DERPC: variants seen among roughly 807,000 people sequenced by gnomAD.
DERPC encodes decreased expression in renal and prostate cancer protein.
Under a neutral mutation model 7.2 loss-of-function variants are expected in DERPC, and 1 was observed. That is an observed-to-expected ratio of 0.14 (90% CI 0.05 to 0.66). The LOEUF is 0.66. Among genes scored for constraint, DERPC ranks in the 30% least tolerant of loss-of-function variants. The pLI is 0.84. For missense variants in DERPC, 502 were observed against 299.4 expected (o/e 1.68, Z -4.99); for synonymous variants, 185 against 117.6 (o/e 1.57, Z -3.71).
At chr16:69,126,499 C>T (rs1389057333) in intron 1 of DERPC, among the ~76,000 whole-genome samples, 1 of 152,228 alleles carries the variant, frequency 6.6e-6, no homozygotes, top group Non-Finnish European at 1.5e-5. Flanking sequence ...AGACATCTAG[C>T]AATGCTCCTG....
At position 69,118,667 on chromosome 16, in the gene DERPC, C is replaced by T. The variant is rs1961360330; in HGVS notation, c.*187G>A. ...AGGATTATTCCCACCTGCCACAGTT[C>T]ACATGCCACAAATAACATCTCACCT... On this transcript the variant is annotated 3_prime_UTR_variant, in exon 3 of 3. Coordinates refer to ENST00000519520, the MANE Select transcript of DERPC (RefSeq NM_001002847.4). The T allele has an allele frequency of 1.5e-6, 1 of 684,036 alleles. No homozygotes were observed. Among genetic ancestry groups the T allele is most frequent in the African/African-American group, 1.8e-5 (1 of 56,292 alleles). The allele number at this position is 684,036 out of a possible 1,614,324, so 42.4% of individuals were successfully genotyped here. A position where few individuals can be genotyped will look rare whatever the true frequency, so the allele number is the denominator to read the frequency against.
Position 69,118,664 on chromosome 16 carries a change from G to A in DERPC, c.*190C>T. 1 of 685,938 alleles carries A rather than the reference G, an allele frequency of 1.5e-6. No homozygotes were observed. Among genetic ancestry groups the A allele is most frequent in the South Asian group, 1.5e-5 (1 of 65,512 alleles). 42.5% of individuals were successfully genotyped at this position (685,938 alleles called of 1,614,324 possible). A position where few individuals can be genotyped will look rare whatever the true frequency, so the allele number is the denominator to read the frequency against. On this transcript the variant is annotated 3_prime_UTR_variant, in exon 3 of 3. Transcript: ENST00000519520. ...GGCAGGATTATTCCCACCTGCCACA[G>A]TTCACATGCCACAAATAACATCTCA...
intron 1 of DERPC, among the ~76,000 whole-genome samples, chr16:69,125,331 T>C (rs937968530): frequency 6.6e-6 from 1 of 152,198 alleles, no homozygotes; most frequent in Non-Finnish European, 1.5e-5. Flanking sequence ...GTCTATGATA[T>C]AGGTATTTAT....
In DERPC at chr16:69,118,368, G is replaced by C. The variant is rs1180734484; in HGVS notation, c.*486C>G. ...TCTGTGTTCAAGCCCCCAGGGAAAG[G>C]TATGGCAGTAGAGGATGACCAGGTC... On this transcript the variant is annotated 3_prime_UTR_variant, in exon 3 of 3. Transcript: ENST00000519520. 1 of 1,607,744 alleles carries C rather than the reference G, an allele frequency of 6.2e-7. No individual in the cohort carries two copies. Among genetic ancestry groups the C allele is most frequent in the East Asian group, 2.2e-5 (1 of 44,864 alleles).
chr16:69,122,698 T>C (rs1961768621), intron 1 of DERPC, among the ~76,000 whole-genome samples: 1 of 152,046 alleles, frequency 6.6e-6, no homozygotes, highest in African/African-American at 2.4e-5. Flanking sequence ...ACAACCACCA[T>C]GCCTGGCTAA....
intron 1 of DERPC, among the ~76,000 whole-genome samples, chr16:69,128,318 G>A (rs1962236271): frequency 6.6e-6 from 1 of 152,204 alleles, no homozygotes; most frequent in Admixed American, 6.5e-5. Context: ...CAGAGCCAGG[G>A]AGAGACTTCT....
chr16:69,118,377 T>C lies in DERPC; in HGVS notation c.*477A>G, dbSNP rs1204151570. On this transcript the variant is annotated 3_prime_UTR_variant, in exon 3 of 3. Coordinates refer to ENST00000519520, the MANE Select transcript of DERPC (RefSeq NM_001002847.4). ...AAGCCCCCAGGGAAAGGTATGGCAG[T>C]AGAGGATGACCAGGTCCAAGCTGCC... The C allele has an allele frequency of 1.2e-6, 2 of 1,610,914 alleles. No homozygotes were observed. The highest frequency in any genetic ancestry group is 1.7e-6 in the Non-Finnish European group (2 of 1,177,198).
rs1961429531 is a variant in DERPC, at chr16:69,119,299, G to A, written c.1130C>T (p.Thr377Ile). Residue 377 changes from threonine (T) to isoleucine (I), a missense_variant, in exon 3 of 3, where the codon ACA becomes ATA. Thr to Ile is a moderately conservative substitution (Grantham distance 89). Transcript: ENST00000519520. ...GSSAFSQSSG[T>I]LASNPATFQR... ...GAAGGTAGCTGGGTTTGATGCCAAT[G>A]TGCCAGAAGACTGAGAAAAGGCAGA... 1 of 703,004 alleles carries A rather than the reference G, an allele frequency of 1.4e-6. No homozygotes were observed. Among genetic ancestry groups the A allele is most frequent in the Admixed American group, 2.0e-5 (1 of 50,008 alleles). The allele number at this position is 703,004 out of a possible 1,614,324, so 43.5% of individuals were successfully genotyped here.
Position 69,120,056 on chromosome 16 carries a change from G to A in DERPC, c.373C>T (p.Pro125Ser), listed in dbSNP as rs1454800941. The change falls in exon 3 of 3, where the codon CCA (proline) becomes TCA (serine). Residue 125 changes from proline to serine, a missense_variant. Coordinates refer to ENST00000519520, the MANE Select transcript of DERPC (RefSeq NM_001002847.4). This position sits in a 1 kb window ranked among gnomAD's most constrained non-coding sequence, Gnocchi z 4.0. Reference sequence around the variant, plus strand: ...GTCCTAGGGTTTAGGGTGGGGCCTGGGCCTGGGCCTGGCCCCAAGAGGCCA... The same window carrying A: ...GTCCTAGGGTTTAGGGTGGGGCCTGAGCCTGGGCCTGGCCCCAAGAGGCCA... ...PGGLLGPGPG[P>S]GPTLNPRTGA... The A allele has an allele frequency of 1.6e-5, 11 of 689,174 alleles. No homozygotes were observed. Among genetic ancestry groups the A allele is most frequent in the African/African-American group, 1.4e-4 (8 of 56,142 alleles). 42.7% of individuals were successfully genotyped at this position (689,174 alleles called of 1,614,324 possible).
intron 1 of DERPC, among the ~76,000 whole-genome samples, chr16:69,126,651 G>A (rs1030402363): frequency 2.0e-5 from 3 of 152,224 alleles, no homozygotes; most frequent in Admixed American, 6.5e-5. Flanking sequence ...TAAGAGTTTA[G>A]TTCACAGGAA....
intron 1 of DERPC, among the ~76,000 whole-genome samples, chr16:69,126,193 T>G (rs1373064679): frequency 1.1e-4 from 16 of 152,162 alleles, no homozygotes. Context: ...CACGGTATAT[T>G]CTAGGAAGAT....
chr16:69,129,014 A>C (rs986810599), intron 1 of DERPC, among the ~76,000 whole-genome samples: 3 of 152,030 alleles, frequency 2.0e-5, no homozygotes, highest in African/African-American at 7.2e-5. Flanking sequence ...CAGTGAGCCG[A>C]GACTGTGCCA....
chr16:69,119,443 G>C lies in DERPC; in HGVS notation c.986C>G (p.Pro329Arg), dbSNP rs1265163977. Residue 329 changes from proline to arginine, a missense_variant, in exon 3 of 3, where the codon CCA (proline) becomes CGA (arginine). Physicochemically the swap from Pro to Arg is moderately radical, Grantham distance 103 (BLOSUM62 -2). Coordinates refer to ENST00000519520, the MANE Select transcript of DERPC (RefSeq NM_001002847.4). ...AGCCCTTGACATGGGAGATGGATTTGGCCCTGGAAGGCCAATTCCCCGAGA... is the reference window on the plus strand; with the variant it reads ...AGCCCTTGACATGGGAGATGGATTTCGCCCTGGAAGGCCAATTCCCCGAGA... ...PSSRGIGLPG[P>R]NPSPMSRAPG... 1.4e-6 allele frequency: 1 copy of C among 702,858 alleles called. No individual in the cohort carries two copies. The highest frequency in any genetic ancestry group is 2.6e-6 in the Non-Finnish European group (1 of 385,016). The allele number at this position is 702,858 out of a possible 1,614,324, so 43.5% of individuals were successfully genotyped here. A position where few individuals can be genotyped will look rare whatever the true frequency, so the allele number is the denominator to read the frequency against.
In DERPC at chr16:69,119,668, C is replaced by T. The variant is rs762329372; in HGVS notation, c.761G>A (p.Gly254Asp). The T allele has an allele frequency of 1.5e-6, 1 of 674,274 alleles. No individual in the cohort carries two copies. Among genetic ancestry groups the T allele is most frequent in the Non-Finnish European group, 2.7e-6 (1 of 369,844 alleles). 41.8% of individuals were successfully genotyped at this position (674,274 alleles called of 1,614,324 possible). A position where few individuals can be genotyped will look rare whatever the true frequency, so the allele number is the denominator to read the frequency against. Residue 254 changes from glycine (G) to aspartate (D), a missense_variant, in exon 3 of 3, where the codon GGT (glycine) becomes GAT (aspartate). By Grantham distance (94) the Gly-to-Asp change is moderately conservative. Coordinates refer to ENST00000519520, the MANE Select transcript of DERPC (RefSeq NM_001002847.4). ...ACCAGATCCTGTGCCCAAGAGGCCA[C>T]CTGCTCTGGCATCTAGATTAGGGCC... ...GPGPNLDARA[G>D]GLLGTGSGLN... is the part of the protein sequence containing the mutation.
At chr16:69,122,362 ATTC>A (rs1307668651) in intron 1 of DERPC, among the ~76,000 whole-genome samples, 5 of 149,704 alleles carry the variant, frequency 3.3e-5, no homozygotes, top group Non-Finnish European at 3.0e-5. Context: ...TCTTAAGGAT[ATTC>A]TTTTTTTTTT....
At chr16:69,132,319 C>A (rs867105113) in intron 1 of DERPC, among the ~76,000 whole-genome samples, 165 bp downstream of exon 1, 1 of 147,292 alleles carries the variant, frequency 6.8e-6, no homozygotes, top group African/African-American at 2.5e-5. Flanking sequence ...GGCCACCCCT[C>A]CCCCGCCCGC....
chr16:69,125,154 T>C (rs937833997), intron 1 of DERPC, among the ~76,000 whole-genome samples: 5 of 152,154 alleles, frequency 3.3e-5, no homozygotes, highest in Non-Finnish European at 7.4e-5. Context: ...TACGCCCGCG[T>C]TGCCCTCCAA....
chr16:69,126,812 T>C (rs1373855217), intron 1 of DERPC, among the ~76,000 whole-genome samples: 3 of 152,238 alleles, frequency 2.0e-5, no homozygotes, highest in East Asian at 1.9e-4. Flanking sequence ...AATTCTGTTA[T>C]TTCTTTTCTT....
rs1597109657 is a variant in DERPC, at chr16:69,120,974, C to T, written c.-221-325G>A. ...TGAATAACAAACCTGAGGCAGTCCT[C>T]ACTCTGGGTCCTGGGAGCACCACCT... On this transcript the variant is annotated intron_variant, in intron 2 of 2. Coordinates refer to ENST00000519520, the MANE Select transcript of DERPC (RefSeq NM_001002847.4). The surrounding 1 kb of genome is among the most constrained non-coding windows in gnomAD (Gnocchi z 4.0). The T allele has an allele frequency of 8.3e-7, 1 of 1,209,566 alleles. No homozygotes were observed. Among genetic ancestry groups the T allele is most frequent in the Non-Finnish European group, 1.2e-6 (1 of 810,524 alleles). 74.9% of individuals were successfully genotyped at this position (1,209,566 alleles called of 1,614,324 possible). A position where few individuals can be genotyped will look rare whatever the true frequency, so the allele number is the denominator to read the frequency against.
Sources: allele counts gnomAD v4.1 joint callset (sites outside exome capture counted in the v4.1 genomes callset), GRCh38; gene constraint gnomAD v4.1.1; non-coding constraint Gnocchi (gnomAD v3.1); transcripts MANE v1.5; gene names NCBI Gene and HGNC (gene_info 2026-07-23, HGNC 2026-07-21).